SLC35F2: variants seen among roughly 807,000 people sequenced by gnomAD.
The protein encoded by SLC35F2 is solute carrier family 35 member F2, also known as queuine/queuosine transporter SLC35F2.
In SLC35F2, 25 loss-of-function variants were observed where a neutral mutation model predicts 38.1. The ratio of observed to expected loss-of-function variants is 0.66; its 90% CI spans 0.48 to 0.92. SLC35F2 has a LOEUF of 0.92. Ranked by LOEUF, SLC35F2 falls within the 40% of genes least tolerant of loss-of-function variation. The pLI is 0.00. For synonymous variants in SLC35F2, 173 were observed against 181.7 expected (o/e 0.95, Z 0.38); for missense variants, 409 against 452.9 (o/e 0.90, Z 0.88).
At chr11:107,829,807 C>A (rs1249302449) in intron 1 of SLC35F2, among the ~76,000 whole-genome samples, 1 of 151,926 alleles carries the variant, frequency 6.6e-6, no homozygotes, top group East Asian at 1.9e-4. Flanking sequence ...TAACATTGAA[C>A]TAAAATTTAA....
intron 2 of SLC35F2, among the ~76,000 whole-genome samples, chr11:107,812,208 T>C (rs1591191266): frequency 6.6e-6 from 1 of 152,128 alleles, no homozygotes; most frequent in Admixed American, 6.6e-5. Flanking sequence ...GCCTGGCTAT[T>C]GTGTATTTCT....
chr11:107,821,938 T>C (rs1260447114), intron 1 of SLC35F2, among the ~76,000 whole-genome samples: 1 of 152,180 alleles, frequency 6.6e-6, no homozygotes, highest in Non-Finnish European at 1.5e-5. Context: ...TTTATAACTT[T>C]AAGAATTTAA....
intron 1 of SLC35F2, among the ~76,000 whole-genome samples, chr11:107,843,868 AATATATATATATATATAT>A (rs1178673709): frequency 0.14 from 6,784 of 46,926 alleles, 715 homozygotes; most frequent in Non-Finnish European, 0.2. Flanking sequence ...AAAAAAAAAA[AATATATATATATATATAT>A]ATATATATAT....
At chr11:107,827,997 G>A (rs1015088077) in intron 1 of SLC35F2, among the ~76,000 whole-genome samples, 1 of 152,164 alleles carries the variant, frequency 6.6e-6, no homozygotes, top group African/African-American at 2.4e-5. Context: ...CCTGGGGCAG[G>A]AAATTTACAA....
rs900417655 is a variant in SLC35F2, at chr11:107,816,311, T to C, written c.111-346A>G. ...GACTTTTTTTTTTTGAGACAGGGTC[T>C]TGTTCTATTGCTCAGGCTAGAGTGC... On this transcript the variant is annotated intron_variant, in intron 1 of 7. Coordinates refer to ENST00000525815, the MANE Select transcript of SLC35F2 (RefSeq NM_017515.5). The C allele has an allele frequency of 1.1e-5, 11 of 983,318 alleles. 1 individual carries two copies. The Admixed American group carries it at 6.8e-4, about 61-fold the overall frequency. The allele number at this position is 983,318 out of a possible 1,614,324, so 60.9% of individuals were successfully genotyped here. A position where few individuals can be genotyped will look rare whatever the true frequency, so the allele number is the denominator to read the frequency against.
intron 1 of SLC35F2, among the ~76,000 whole-genome samples, chr11:107,856,891 G>A (rs1334381879): frequency 9.8e-6 from 1 of 101,618 alleles, no homozygotes; most frequent in African/African-American, 3.9e-5. Flanking sequence ...AGGAAGGGAG[G>A]GAGGGAAGGA....
At chr11:107,854,792 A>G (rs902963347) in intron 1 of SLC35F2, among the ~76,000 whole-genome samples, 12 of 152,242 alleles carry the variant, frequency 7.9e-5, no homozygotes, top group African/African-American at 2.4e-4. Context: ...TGTATTTAGT[A>G]CCCAGTTGCC....
chr11:107,830,606 A>G (rs1859824490), intron 1 of SLC35F2, among the ~76,000 whole-genome samples: 1 of 150,230 alleles, frequency 6.7e-6, no homozygotes, highest in African/African-American at 2.5e-5. Flanking sequence ...AAAAGAAAAG[A>G]AAAAAAAAGA....
intron 1 of SLC35F2, among the ~76,000 whole-genome samples, chr11:107,820,726 C>T (rs374740684): frequency 1.3e-5 from 2 of 152,118 alleles, no homozygotes; most frequent in South Asian, 2.1e-4. Flanking sequence ...AAGGCTGAGG[C>T]GGGCGGATCA....
chr11:107,798,905 G>A (rs564696592), intron 7 of SLC35F2, among the ~76,000 whole-genome samples: 27 of 152,130 alleles, frequency 1.8e-4, no homozygotes, highest in African/African-American at 6.3e-4. Flanking sequence ...GTGAAACCCC[G>A]TCTCTACTAA....
At chr11:107,797,743 C>A (rs1859243173) in intron 7 of SLC35F2, among the ~76,000 whole-genome samples, 1 of 152,064 alleles carries the variant, frequency 6.6e-6, no homozygotes, top group South Asian at 2.1e-4. Context: ...ATAGCCACAG[C>A]CCTCCCCAAG....
At chr11:107,838,627 CTTTTTTTT>C (rs71047631) in intron 1 of SLC35F2, among the ~76,000 whole-genome samples, 8 of 108,664 alleles carry the variant, frequency 7.4e-5, no homozygotes, top group Non-Finnish European at 8.9e-5. Flanking sequence ...GCCCGGCCCT[CTTTTTTTT>C]TTTTTTTTTT....
intron 1 of SLC35F2, among the ~76,000 whole-genome samples, chr11:107,819,311 G>C (rs1339237239): frequency 6.6e-6 from 1 of 152,162 alleles, no homozygotes; most frequent in Non-Finnish European, 1.5e-5. Flanking sequence ...ACTCTCAAAA[G>C]TAAGGAATCT....
At chr11:107,853,252 C>T (rs1348719744) in intron 1 of SLC35F2, among the ~76,000 whole-genome samples, 3 of 152,184 alleles carry the variant, frequency 2.0e-5, no homozygotes, top group Non-Finnish European at 2.9e-5. Flanking sequence ...GGTCTCTGCC[C>T]TTTTTTGTGC....
chr11:107,792,879 A>G, intron 7 of SLC35F2, 79 bp from the exon 8 acceptor site: 1 of 1,433,576 alleles, frequency 7.0e-7, no homozygotes, highest in Non-Finnish European at 9.1e-7. Flanking sequence ...CTGTGCTTCG[A>G]GGATTACCCT....
At chr11:107,849,657 A>G (rs1179120796) in intron 1 of SLC35F2, among the ~76,000 whole-genome samples, 1 of 151,870 alleles carries the variant, frequency 6.6e-6, no homozygotes, top group Non-Finnish European at 1.5e-5. Flanking sequence ...AAAAAAAAAA[A>G]AAAGACAATA....
chr11:107,800,218 C>T (rs773359548), intron 7 of SLC35F2, among the ~76,000 whole-genome samples: 1 of 151,842 alleles, frequency 6.6e-6, no homozygotes, highest in Non-Finnish European at 1.5e-5. Context: ...TACTAGTAAG[C>T]TATAAATACT....
rs1403435950 is a variant in SLC35F2, at chr11:107,798,704, C to CA, written c.939+4296dup. ...GAGCCTCTTTTTCAACTGTCTGCTT[C>CA]AAAAAATTAGAGCCAAAGTTATTTT... On this transcript the variant is annotated intron_variant, in intron 7 of 7. Transcript: ENST00000525815. 3.3e-5 allele frequency among the ~76,000 whole-genome samples: 5 copies of CA among 152,232 alleles called. No individual in the cohort carries two copies. The East Asian group carries it at 9.6e-4, about 29-fold the overall frequency.
At chr11:107,854,017 G>A (rs1860236617) in intron 1 of SLC35F2, among the ~76,000 whole-genome samples, 1 of 152,026 alleles carries the variant, frequency 6.6e-6, no homozygotes, top group Non-Finnish European at 1.5e-5. Context: ...AGGAGTTCAA[G>A]ATCAGCCTGA....
Sources: allele counts gnomAD v4.1 joint callset (sites outside exome capture counted in the v4.1 genomes callset), GRCh38; gene constraint gnomAD v4.1.1; transcripts MANE v1.5; gene names NCBI Gene and HGNC (gene_info 2026-07-23, HGNC 2026-07-21).